Variants in ZBBX observed in about 807,000 individuals in gnomAD.
ZBBX encodes the protein zinc finger B-box domain-containing protein 1.
ZBBX carries 101 observed loss-of-function variants against 108.5 expected under a neutral mutation model. That is an observed-to-expected ratio of 0.93 (90% CI 0.79 to 1.10). The LOEUF is 1.10. Ranked by LOEUF, ZBBX falls within the 50% of genes least tolerant of loss-of-function variation. ZBBX has a pLI of 0.00. For missense variants in ZBBX, 1,009 were observed against 941.4 expected (o/e 1.07, Z -0.94); for synonymous variants, 356 against 323.4 (o/e 1.10, Z -1.08).
intron 1 of ZBBX, among the ~76,000 whole-genome samples, chr3:167,392,520 A>G (rs1214645562): frequency 6.6e-6 from 1 of 151,792 alleles, no homozygotes; most frequent in African/African-American, 2.4e-5. Context: ...AAGCATTTCC[A>G]CCAGCTATGT....
At chr3:167,224,870 C>T in the ZBBX span, among the ~76,000 whole-genome samples, 1 of 151,828 alleles carries the variant, frequency 6.6e-6, no homozygotes, top group African/African-American at 2.4e-5. Context: ...CCAGCTCTTC[C>T]CAGTCTAGCC....
At chr3:167,364,305 A>G (rs1449760283) in intron 6 of ZBBX, among the ~76,000 whole-genome samples, 2 of 152,092 alleles carry the variant, frequency 1.3e-5, no homozygotes, top group East Asian at 3.8e-4. Flanking sequence ...TGCCCCCTTC[A>G]GAAACACTAG....
chr3:167,286,035 G>A (rs7427673), intron 19 of ZBBX, among the ~76,000 whole-genome samples: 58,663 of 151,920 alleles, frequency 0.39, 11,848 homozygotes, highest in East Asian at 0.73. Context: ...TGTGATAGAG[G>A]AACTCAAGAG....
intron 17 of ZBBX, among the ~76,000 whole-genome samples, chr3:167,304,112 T>C (rs1733185948): frequency 6.6e-6 from 1 of 152,204 alleles, no homozygotes; most frequent in African/African-American, 2.4e-5. Flanking sequence ...TTAAGTTCTT[T>C]TTATTTCTTC....
the ZBBX span, among the ~76,000 whole-genome samples, chr3:167,221,986 C>A: frequency 6.6e-6 from 1 of 151,782 alleles, no homozygotes; most frequent in African/African-American, 2.4e-5. Context: ...TTAGTACAAC[C>A]ACTATGGAGA....
intron 1 of ZBBX, chr3:167,392,728 A>T (rs939323789): frequency 2.0e-5 from 3 of 151,828 alleles, no homozygotes; most frequent in Non-Finnish European, 4.4e-5. Flanking sequence ...ACAGAAAGAA[A>T]GACAAAAAGA....
At chr3:167,238,531 A>G (rs1720324516), downstream of ZBBX, among the ~76,000 whole-genome samples, 1 of 152,082 alleles carries the variant, frequency 6.6e-6, no homozygotes, top group Non-Finnish European at 1.5e-5. Flanking sequence ...TGAATTTAGT[A>G]CAGTTTATTA....
chr3:167,317,854 C>T (rs1735722014), intron 12 of ZBBX, among the ~76,000 whole-genome samples: 1 of 151,858 alleles, frequency 6.6e-6, no homozygotes, highest in Non-Finnish European at 1.5e-5. Context: ...AGCTAAAAAT[C>T]AAAGTTATGC....
At chr3:167,329,265 T>C (rs1737967210) in intron 10 of ZBBX, among the ~76,000 whole-genome samples, 1 of 152,186 alleles carries the variant, frequency 6.6e-6, no homozygotes, top group African/African-American at 2.4e-5. Context: ...GGCTGAATTA[T>C]CAAATGTGGA....
chr3:167,365,661 C>A (rs940741067), intron 6 of ZBBX, among the ~76,000 whole-genome samples: 1 of 151,684 alleles, frequency 6.6e-6, no homozygotes, highest in African/African-American at 2.4e-5. Context: ...TGGGAAAATT[C>A]ACTGCAAGGT....
upstream of ZBBX, among the ~76,000 whole-genome samples, chr3:167,383,149 C>T (rs548625373): frequency 1.4e-4 from 22 of 152,160 alleles, no homozygotes; most frequent in Non-Finnish European, 3.2e-4. Context: ...GGACAAATAT[C>T]ATATCTGCAG....
At chr3:167,268,295 G>A (rs955642165) in intron 20 of ZBBX, among the ~76,000 whole-genome samples, 1 of 151,866 alleles carries the variant, frequency 6.6e-6, no homozygotes, top group Non-Finnish European at 1.5e-5. Context: ...CACCTGGGTT[G>A]AGTTAATGTC....
intron 9 of ZBBX, 120 bp downstream of exon 9, chr3:167,350,300 A>G (rs994895134): frequency 2.9e-6 from 2 of 684,528 alleles, no homozygotes; most frequent in Non-Finnish European, 4.8e-6. Context: ...TGTATATAAT[A>G]GAATTTTAGA....
chr3:167,186,708 C>T, the ZBBX span, among the ~76,000 whole-genome samples: 1 of 152,100 alleles, frequency 6.6e-6, no homozygotes, highest in Non-Finnish European at 1.5e-5. Flanking sequence ...TAAAGGGTTT[C>T]TGCAACCAAC....
chr3:167,334,570 T>A (rs1560143103), intron 9 of ZBBX, among the ~76,000 whole-genome samples: 1 of 151,858 alleles, frequency 6.6e-6, no homozygotes, highest in Non-Finnish European at 1.5e-5. Flanking sequence ...CAACACTCCA[T>A]CTCGAAAAAA....
chr3:167,300,095 A>C (rs2108192193), intron 17 of ZBBX, among the ~76,000 whole-genome samples: 1 of 152,292 alleles, frequency 6.6e-6, no homozygotes, highest in Non-Finnish European at 1.5e-5. Flanking sequence ...AGTGGTGGAA[A>C]ATTTCTGTGA....
upstream of ZBBX, among the ~76,000 whole-genome samples, chr3:167,385,072 T>C (rs1747867334): frequency 6.6e-6 from 1 of 152,050 alleles, no homozygotes; most frequent in Admixed American, 6.6e-5. Flanking sequence ...CACTATAACC[T>C]CAATTTAATA....
chr3:167,343,593 A>G (rs1296610247), intron 9 of ZBBX, among the ~76,000 whole-genome samples: 2 of 151,912 alleles, frequency 1.3e-5, no homozygotes, highest in African/African-American at 4.8e-5. Context: ...TCCCAGGAAG[A>G]TATACAAATG....
intron 8 of ZBBX, among the ~76,000 whole-genome samples, chr3:167,359,053 C>A (rs2108533705): frequency 6.9e-6 from 1 of 145,072 alleles, no homozygotes; most frequent in African/African-American, 2.5e-5. Flanking sequence ...AATATTGAAA[C>A]AACCCAAATG....
Sources: gnomAD v4.1 joint callset for allele counts (sites outside exome capture counted in the v4.1 genomes callset) on GRCh38, gnomAD v4.1.1 for gene constraint, MANE v1.5 for transcripts, NCBI Gene and HGNC (gene_info 2026-07-23, HGNC 2026-07-21) for gene names.